The following NRXN2 variants were observed in gnomAD, a reference collection of about 807,000 sequenced individuals.
The protein encoded by NRXN2 is neurexin 2.
NRXN2 carries 29 observed loss-of-function variants against 128.8 expected under a neutral mutation model. The ratio of observed to expected loss-of-function variants is 0.23; its 90% CI spans 0.17 to 0.31. The LOEUF is 0.31. Among genes scored for constraint, NRXN2 ranks in the 10% least tolerant of loss-of-function variants. The pLI is 1.00. For synonymous variants in NRXN2, 1,098 were observed against 1,075.2 expected (o/e 1.02, Z -0.41); for missense variants, 1,881 against 2,452.6 (o/e 0.77, Z 4.92).
chr11:64,663,838 G>A (rs961344141), intron 9 of NRXN2, among the ~76,000 whole-genome samples: 2 of 152,182 alleles, frequency 1.3e-5, no homozygotes, highest in Non-Finnish European at 2.9e-5. Context: ...GTATATCCAG[G>A]CAATGGAATA....
At chr11:64,708,154 C>CCA (rs897107061) in intron 2 of NRXN2, among the ~76,000 whole-genome samples, 3 of 151,870 alleles carry the variant, frequency 2.0e-5, no homozygotes, top group African/African-American at 7.3e-5. Context: ...TCATCTCTGA[C>CCA]CACACTGTAG....
intron 5 of NRXN2, chr11:64,688,214 C>T (rs1217233242): frequency 1.4e-5 from 12 of 875,976 alleles, no homozygotes; most frequent in South Asian, 1.0e-4. Flanking sequence ...CTCCTCAGCC[C>T]TGCCTCCAGT....
At chr11:64,704,888 T>C (rs958653272) in intron 2 of NRXN2, among the ~76,000 whole-genome samples, 1 of 152,204 alleles carries the variant, frequency 6.6e-6, no homozygotes, top group Non-Finnish European at 1.5e-5. Context: ...CCAGCTATTA[T>C]GCTTAGGGAG....
intron 6 of NRXN2, among the ~76,000 whole-genome samples, chr11:64,683,910 T>C (rs937276150): frequency 6.6e-6 from 1 of 152,330 alleles, no homozygotes; most frequent in South Asian, 2.1e-4. Context: ...TCTGTGTGGC[T>C]TTCCCACCTC....
At chr11:64,636,800 G>A (rs573748580) in intron 17 of NRXN2, among the ~76,000 whole-genome samples, 150 of 152,084 alleles carry the variant, frequency 9.9e-4, no homozygotes, top group Non-Finnish European at 1.8e-3. Context: ...AGCCAAGGAG[G>A]TGGCCCAGTT....
At chr11:64,652,741 C>G (rs1377275908) in intron 12 of NRXN2, among the ~76,000 whole-genome samples, 1 of 152,138 alleles carries the variant, frequency 6.6e-6, no homozygotes, top group East Asian at 1.9e-4. Flanking sequence ...ACGTCACACA[C>G]CAAGTCACGC....
chr11:64,687,562 G>C (rs898940083), intron 5 of NRXN2, among the ~76,000 whole-genome samples: 4 of 152,176 alleles, frequency 2.6e-5, no homozygotes, highest in Non-Finnish European at 2.9e-5. Flanking sequence ...CCCTTCCTCT[G>C]TCTACTTATG....
intron 3 of NRXN2, among the ~76,000 whole-genome samples, chr11:64,693,458 C>T (rs1240063214): frequency 3.3e-5 from 5 of 152,074 alleles, no homozygotes; most frequent in Non-Finnish European, 1.5e-5. Flanking sequence ...TGGGATTAAG[C>T]GGGCAAGGGG....
At chr11:64,700,220 G>A (rs1416423875) in intron 2 of NRXN2, among the ~76,000 whole-genome samples, 1 of 152,050 alleles carries the variant, frequency 6.6e-6, no homozygotes, top group East Asian at 1.9e-4. Flanking sequence ...GGGTAGTCCC[G>A]GCCTCCTCCC....
intron 2 of NRXN2, among the ~76,000 whole-genome samples, chr11:64,701,509 T>C (rs1422227512): frequency 6.6e-6 from 1 of 152,068 alleles, no homozygotes; most frequent in Non-Finnish European, 1.5e-5. Flanking sequence ...GAAGCCACGG[T>C]GGGAGGATCA....
intron 9 of NRXN2, among the ~76,000 whole-genome samples, chr11:64,662,090 TAA>T (rs35502743): frequency 9.9e-5 from 13 of 131,418 alleles, no homozygotes; most frequent in African/African-American, 2.4e-4. Flanking sequence ...CCATCTCTAC[TAA>T]AAAAAAAAAA....
chr11:64,657,748 T>C (rs1184750211), intron 11 of NRXN2, among the ~76,000 whole-genome samples: 2 of 152,226 alleles, frequency 1.3e-5, no homozygotes, highest in African/African-American at 4.8e-5. Flanking sequence ...GCCACCTGCG[T>C]GTCCACAGTG....
intron 17 of NRXN2, among the ~76,000 whole-genome samples, chr11:64,636,455 G>A (rs1435053111): frequency 6.6e-6 from 1 of 152,124 alleles, no homozygotes; most frequent in African/African-American, 2.4e-5. Flanking sequence ...GCCTTGTCTG[G>A]GAGGCCTGGA....
At chr11:64,709,064 C>A (rs1483696083) in intron 2 of NRXN2, among the ~76,000 whole-genome samples, 2 of 151,562 alleles carry the variant, frequency 1.3e-5, no homozygotes, top group African/African-American at 4.8e-5. Context: ...TAGTGGCGGG[C>A]GCCTGTAATC....
At chr11:64,614,002 T>G (rs1372966687) in intron 22 of NRXN2, among the ~76,000 whole-genome samples, 1 of 151,938 alleles carries the variant, frequency 6.6e-6, no homozygotes, top group Non-Finnish European at 1.5e-5. Context: ...AGTAACATAG[T>G]ACAAGGAAGA....
At chr11:64,629,110 A>G (rs944278081) in intron 19 of NRXN2, among the ~76,000 whole-genome samples, 1 of 152,198 alleles carries the variant, frequency 6.6e-6, no homozygotes, top group Admixed American at 6.5e-5. Flanking sequence ...TGAGCCCATG[A>G]AAGTTTACAC....
At chr11:64,706,927 C>A (rs1020741595) in intron 2 of NRXN2, among the ~76,000 whole-genome samples, 2 of 151,438 alleles carry the variant, frequency 1.3e-5, no homozygotes, top group Admixed American at 6.6e-5. Flanking sequence ...TACAACAAAC[C>A]TATGAGATAA....
intron 2 of NRXN2, among the ~76,000 whole-genome samples, chr11:64,705,617 C>A (rs2056162670): frequency 6.6e-6 from 1 of 151,978 alleles, no homozygotes; most frequent in Non-Finnish European, 1.5e-5. Flanking sequence ...GCTTCAAATA[C>A]TATCTCTACA....
chr11:64,679,995 A>G (rs902174253), intron 6 of NRXN2, among the ~76,000 whole-genome samples: 1 of 152,214 alleles, frequency 6.6e-6, no homozygotes, highest in Non-Finnish European at 1.5e-5. Context: ...TCCCACTCAT[A>G]GAAAGAGCTA....
Sources: allele counts gnomAD v4.1 joint callset (sites outside exome capture counted in the v4.1 genomes callset), GRCh38; gene constraint gnomAD v4.1.1; transcripts MANE v1.5; gene names NCBI Gene and HGNC (gene_info 2026-07-23, HGNC 2026-07-21).